Variants in CSMD1 observed in about 807,000 individuals in gnomAD.
The protein encoded by CSMD1 is CUB and sushi domain-containing protein 1.
A neutral mutation model predicts 417.5 loss-of-function variants in CSMD1; 213 were observed. That is an observed-to-expected ratio of 0.51 (90% CI 0.46 to 0.57). The LOEUF (loss-of-function observed/expected upper bound fraction) is 0.57, where lower values mean the gene tolerates loss of function less well. CSMD1 is among the 20% of genes least tolerant of loss of function. CSMD1 has a pLI of 0.00. For synonymous variants in CSMD1, 2,862 were observed against 1,736.8 expected (o/e 1.65, Z -16.11); for missense variants, 6,923 against 4,529.7 (o/e 1.53, Z -15.17).
chr8:3,136,405 C>A (rs1046810039), intron 41 of CSMD1, among the ~76,000 whole-genome samples: 4 of 151,936 alleles, frequency 2.6e-5, no homozygotes, highest in Admixed American at 2.0e-4. Context: ...GTTGGGATCA[C>A]AGGCGCTCCC....
chr8:3,348,146 C>G lies in CSMD1; in HGVS notation c.3320G>C (p.Ser1107Thr). The change falls in exon 22 of 70, where the codon AGT (serine) becomes ACT (threonine). Residue 1107 changes from serine to threonine, a missense_variant. Coordinates refer to ENST00000635120, the MANE Select transcript of CSMD1 (RefSeq NM_033225.6). The part of the protein sequence containing the change: ...LPRCVAECGA[S>T]VKGNEGTLLS... Reference sequence around the variant, plus strand: ...TAATGTTCCTTCATTTCCTTTGACACTTGCTCCACATTCGGCTACAATAAA... The same window carrying G: ...TAATGTTCCTTCATTTCCTTTGACAGTTGCTCCACATTCGGCTACAATAAA... The G allele has an allele frequency of 6.2e-7, 1 of 1,612,138 alleles. No individual in the cohort carries two copies. Among genetic ancestry groups the G allele is most frequent in the Non-Finnish European group, 8.5e-7 (1 of 1,179,064 alleles).
intron 10 of CSMD1, among the ~76,000 whole-genome samples, chr8:3,524,669 A>G (rs180714515): frequency 6.7e-6 from 1 of 149,076 alleles, no homozygotes; most frequent in East Asian, 2.1e-4. Flanking sequence ...CCATGCAAAA[A>G]CACATGTACA....
In CSMD1 at chr8:3,347,980, G is replaced by C. The variant is rs1379729854; in HGVS notation, c.3474+12C>G. The C allele has an allele frequency of 3.2e-6, 5 of 1,548,262 alleles. No homozygotes were observed. The highest frequency in any genetic ancestry group is 2.8e-5 in the African/African-American group (2 of 72,384). Reference sequence around the variant, plus strand: ...AACTTGGAGTCATCATGTTGGAGAAGATTCTTTTTACCTTTAGAGTATCTC... The same window carrying C: ...AACTTGGAGTCATCATGTTGGAGAACATTCTTTTTACCTTTAGAGTATCTC... On this transcript the variant is annotated intron_variant, in intron 22 of 69. Transcript: ENST00000635120.
intron 8 of CSMD1, among the ~76,000 whole-genome samples, chr8:3,601,674 C>A (rs991997155): frequency 6.6e-6 from 1 of 152,330 alleles, no homozygotes; most frequent in Non-Finnish European, 1.5e-5. Context: ...CCTGTGAAAT[C>A]ATTGGTAATA....
At chr8:4,165,443 G>A (rs889871199) in intron 3 of CSMD1, among the ~76,000 whole-genome samples, 2 of 152,230 alleles carry the variant, frequency 1.3e-5, no homozygotes, top group Non-Finnish European at 2.9e-5. Flanking sequence ...GTCATGCTAT[G>A]TCGCCCAGGC....
chr8:3,754,060 G>T lies in CSMD1; in HGVS notation c.819-18C>A. On this transcript the variant is annotated intron_variant, in intron 5 of 69. Coordinates refer to ENST00000635120, the MANE Select transcript of CSMD1 (RefSeq NM_033225.6). The stretch of plus-strand genomic sequence containing the variant: ...CAGTTAGCCTAGAGAAGAGAAAGAG[G>T]AAAAAAATCTCCCTTGTAAACCAAC... 6.4e-7 allele frequency: 1 copy of T among 1,552,224 alleles called. No homozygotes were observed. The highest frequency in any genetic ancestry group is 1.7e-4 in the Middle Eastern group (1 of 5,880).
At chr8:4,443,762 C>A (rs1798618931) in intron 2 of CSMD1, among the ~76,000 whole-genome samples, 1 of 152,170 alleles carries the variant, frequency 6.6e-6, no homozygotes, top group African/African-American at 2.4e-5. Flanking sequence ...AAACTATAAA[C>A]ACATTCTATC....
At chr8:4,401,195 C>G (rs890320284) in intron 3 of CSMD1, among the ~76,000 whole-genome samples, 4 of 152,100 alleles carry the variant, frequency 2.6e-5, no homozygotes, top group African/African-American at 7.2e-5. Flanking sequence ...GAGAAAAACT[C>G]TTCAAACGGT....
intron 3 of CSMD1, among the ~76,000 whole-genome samples, chr8:4,193,215 T>C (rs981324286): frequency 6.6e-6 from 1 of 152,160 alleles, no homozygotes; most frequent in East Asian, 1.9e-4. Flanking sequence ...GAAAGCAAAG[T>C]TGTAGCTGCC....
intron 1 of CSMD1, among the ~76,000 whole-genome samples, chr8:4,859,825 G>T (rs1222327657): frequency 6.6e-6 from 1 of 152,122 alleles, no homozygotes; most frequent in African/African-American, 2.4e-5. Flanking sequence ...CTGTAAACTA[G>T]TTCAACCATT....
intron 23 of CSMD1, among the ~76,000 whole-genome samples, chr8:3,330,381 A>G (rs11776433): frequency 0.17 from 26,121 of 152,190 alleles, 2,891 homozygotes; most frequent in East Asian, 0.35. Flanking sequence ...TAAAGAAAGT[A>G]TGGTACATAT....
At chr8:4,724,973 G>A (rs1349369602) in intron 1 of CSMD1, among the ~76,000 whole-genome samples, 1 of 152,040 alleles carries the variant, frequency 6.6e-6, no homozygotes, top group Non-Finnish European at 1.5e-5. Context: ...TAAAACATAA[G>A]CCCATAACAT....
intron 1 of CSMD1, among the ~76,000 whole-genome samples, chr8:4,916,394 A>C (rs542798271): frequency 3.3e-5 from 5 of 152,384 alleles, no homozygotes; most frequent in African/African-American, 9.6e-5. Context: ...TTCAGAGTAC[A>C]TTGGAACACA....
At chr8:3,763,245 A>G (rs559930446) in intron 5 of CSMD1, among the ~76,000 whole-genome samples, 1 of 152,156 alleles carries the variant, frequency 6.6e-6, no homozygotes, top group Non-Finnish European at 1.5e-5. Context: ...GATGCCAGCT[A>G]GGGTGCTTAT....
chr8:3,963,690 CAT>C (rs1812481468), intron 5 of CSMD1, among the ~76,000 whole-genome samples: 2 of 152,024 alleles, frequency 1.3e-5, no homozygotes, highest in African/African-American at 2.4e-5. Flanking sequence ...AGTGAATATA[CAT>C]AGATTTCATC....
At position 3,543,937 on chromosome 8, in the gene CSMD1, A is replaced by G. The variant is rs564261635; in HGVS notation, c.1344+31008T>C. Among the ~76,000 whole-genome samples the G allele has an allele frequency of 2.0e-5, 3 of 152,328 alleles. No individual in the cohort carries two copies. In the East Asian group the frequency reaches 5.8e-4, roughly 29 times the overall value. ...AACTCCAGTGTTTACAGGAAGAGAC[A>G]GGAAGTGGCCAAAGCAAAGCAACTG... is the stretch of plus-strand genomic sequence containing the variant. On this transcript the variant is annotated intron_variant, in intron 10 of 69. Transcript: ENST00000635120.
At chr8:3,997,787 G>A (rs1250560384) in intron 5 of CSMD1, 116 bp downstream of exon 5, 3 of 888,878 alleles carry the variant, frequency 3.4e-6, no homozygotes, top group East Asian at 5.4e-5. Context: ...GGCGAAAAAA[G>A]GAACACACAT....
chr8:3,353,843 A>AT (rs1390484348), intron 21 of CSMD1, among the ~76,000 whole-genome samples: 2 of 152,212 alleles, frequency 1.3e-5, no homozygotes, highest in South Asian at 2.1e-4. Flanking sequence ...TGTCACTTAG[A>AT]TTTTTGCAAT....
chr8:3,698,737 A>C (rs562330188), intron 7 of CSMD1, among the ~76,000 whole-genome samples: 1 of 152,362 alleles, frequency 6.6e-6, no homozygotes, highest in South Asian at 2.1e-4. Context: ...AGTAAAGAGG[A>C]TCATGTTCAT....
Sources: gnomAD v4.1 joint callset for allele counts (sites outside exome capture counted in the v4.1 genomes callset) on GRCh38, gnomAD v4.1.1 for gene constraint, MANE v1.5 for transcripts, NCBI Gene and HGNC (gene_info 2026-07-23, HGNC 2026-07-21) for gene names.